NFATC3: variants seen among roughly 807,000 people sequenced by gnomAD.
The protein encoded by NFATC3 is nuclear factor of activated T-cells, cytoplasmic 3.
Under a neutral mutation model 98.6 loss-of-function variants are expected in NFATC3, and 46 were observed. The ratio of observed to expected loss-of-function variants is 0.47; its 90% CI spans 0.37 to 0.60. The LOEUF is 0.60. NFATC3 is among the 20% of genes least tolerant of loss of function. The pLI is 0.00. For missense variants in NFATC3, 1,256 were observed against 1,295.5 expected, an observed-to-expected ratio of 0.97 and a Z score of 0.47; for synonymous variants, 512 against 472.2, an observed-to-expected ratio of 1.08 and a Z score of -1.09.
intron 9 of NFATC3, among the ~76,000 whole-genome samples, chr16:68,222,343 A>G (rs2041904264): frequency 6.6e-6 from 1 of 151,092 alleles, no homozygotes; most frequent in African/African-American, 2.4e-5. Context: ...AAAGAAAAAA[A>G]AGAGAGAAAA....
At chr16:68,145,810 A>G (rs1258600589) in intron 3 of NFATC3, among the ~76,000 whole-genome samples, 1 of 152,182 alleles carries the variant, frequency 6.6e-6, no homozygotes, top group Non-Finnish European at 1.5e-5. Context: ...ATAAAACTAT[A>G]TACACACATA....
chr16:68,111,998 T>G (rs2035969193), intron 1 of NFATC3, among the ~76,000 whole-genome samples: 1 of 152,198 alleles, frequency 6.6e-6, no homozygotes, highest in Admixed American at 6.5e-5. Context: ...CACTGTTAGT[T>G]TGATGGGCTT....
At chr16:68,173,575 T>A (rs987873818) in intron 5 of NFATC3, among the ~76,000 whole-genome samples, 2 of 151,906 alleles carry the variant, frequency 1.3e-5, no homozygotes, top group Admixed American at 6.6e-5. Context: ...TCAAAAAAAA[T>A]AAATAAATAA....
At chr16:68,112,556 G>A (rs370532891) in intron 1 of NFATC3, among the ~76,000 whole-genome samples, 68 of 151,564 alleles carry the variant, frequency 4.5e-4, no homozygotes, top group African/African-American at 1.5e-3. Context: ...GATTATAGGC[G>A]TGAGCCACTG....
At chr16:68,203,105 T>C (rs1362111357) in intron 9 of NFATC3, among the ~76,000 whole-genome samples, 1 of 152,142 alleles carries the variant, frequency 6.6e-6, no homozygotes, top group Non-Finnish European at 1.5e-5. Flanking sequence ...TCATGGCTTA[T>C]GCGAGATGGA....
chr16:68,212,029 G>T (rs548270999), intron 9 of NFATC3, among the ~76,000 whole-genome samples: 371 of 152,288 alleles, frequency 2.4e-3, no homozygotes, highest in African/African-American at 8.3e-3. Flanking sequence ...TTCCTGGGAT[G>T]CTTTCTTATG....
Position 68,191,446 on chromosome 16 carries a change from C to A in NFATC3, c.2777C>A (p.Ala926Asp), listed in dbSNP as rs375382397. The A allele has an allele frequency of 1.9e-6, 3 of 1,614,008 alleles. No individual in the cohort carries two copies. Among genetic ancestry groups the A allele is most frequent in the Non-Finnish European group, 2.5e-6 (3 of 1,180,042 alleles). ...TCACATTCAGGGTCTGCTACAACAG[C>A]TTCCCCAGCAGCTTCTCATCCCTTG... is the stretch of plus-strand genomic sequence containing the variant. ...GPSHSGSATTASPAASHPLAS... is the reference protein window; with the variant it reads ...GPSHSGSATTDSPAASHPLAS... The change falls in exon 9 of 10, where the codon GCT (alanine) becomes GAT (aspartate). Residue 926 changes from alanine (A) to aspartate (D), a missense_variant. Ala to Asp is a moderately radical substitution (Grantham distance 126). Coordinates refer to ENST00000346183, the MANE Select transcript of NFATC3 (RefSeq NM_173165.3).
At chr16:68,132,505 T>G (rs2037167836) in intron 3 of NFATC3, among the ~76,000 whole-genome samples, 2 of 152,170 alleles carry the variant, frequency 1.3e-5, no homozygotes, top group African/African-American at 4.8e-5. Flanking sequence ...TCAAAAAATT[T>G]AAAAATAGAA....
At chr16:68,100,637 C>T (rs1040192094) in intron 1 of NFATC3, among the ~76,000 whole-genome samples, 1 of 151,436 alleles carries the variant, frequency 6.6e-6, no homozygotes, top group Non-Finnish European at 1.5e-5. Context: ...TTCCCACCAG[C>T]AGGTGTATGA....
At chr16:68,186,925 G>A (rs769455765) in intron 8 of NFATC3, among the ~76,000 whole-genome samples, 3 of 152,232 alleles carry the variant, frequency 2.0e-5, no homozygotes, top group Non-Finnish European at 4.4e-5. Flanking sequence ...TCCTTGAGGT[G>A]TCACTTTGCC....
At chr16:68,201,152 G>A (rs1384593982) in intron 9 of NFATC3, among the ~76,000 whole-genome samples, 3 of 151,992 alleles carry the variant, frequency 2.0e-5, no homozygotes, top group African/African-American at 4.8e-5. Flanking sequence ...GGCTGGTATT[G>A]AACTCCTGAC....
intron 1 of NFATC3, among the ~76,000 whole-genome samples, chr16:68,100,196 G>T (rs1440431535): frequency 1.3e-5 from 2 of 152,084 alleles, no homozygotes; most frequent in Non-Finnish European, 2.9e-5. Context: ...ATTTGTATGT[G>T]GATATGTGTT....
chr16:68,115,504 G>A lies in NFATC3; in HGVS notation c.104-6483G>A, dbSNP rs527281672. Among the ~76,000 whole-genome samples the A allele has an allele frequency of 6.7e-5, 10 of 149,674 alleles. 2 individuals carry two copies. The South Asian group carries it at 1.9e-3, about 29-fold the overall frequency. On this transcript the variant is annotated intron_variant, in intron 1 of 9. Transcript: ENST00000346183. Reference sequence around the variant, plus strand: ...TAGTAGCGCAATCTCGGCTTACTGCGACCTCCGCCTCCCGGGTTCAACTGA... The same window carrying A: ...TAGTAGCGCAATCTCGGCTTACTGCAACCTCCGCCTCCCGGGTTCAACTGA...
chr16:68,126,497 C>T lies in NFATC3; in HGVS notation c.1288C>T (p.Gln430Ter). ...CTGGCCTTTACCAGCTCATTTTGGACAATGTGAACTGAAAATAGAAGTGCA... is the reference window on the plus strand; with the variant it reads ...CTGGCCTTTACCAGCTCATTTTGGATAATGTGAACTGAAAATAGAAGTGCA... The part of the protein sequence containing the change: ...LDWPLPAHFG[Q>*]CELKIEVQPK... Residue 430 changes from glutamine to a stop codon, truncating the protein, a stop_gained, in exon 3 of 10, where the codon CAA becomes TAA. Transcript: ENST00000346183. LOFTEE classifies it high-confidence loss of function. The T allele has an allele frequency of 1.2e-6, 2 of 1,614,038 alleles. No homozygotes were observed. Among genetic ancestry groups the T allele is most frequent in the Non-Finnish European group, 1.7e-6 (2 of 1,179,944 alleles).
At chr16:68,136,387 A>G (rs114052672) in intron 3 of NFATC3, among the ~76,000 whole-genome samples, 2,081 of 151,874 alleles carry the variant, frequency 0.014, 51 homozygotes, top group African/African-American at 0.045. Context: ...CTCCACCTCA[A>G]CTTCTCCCGT....
chr16:68,199,121 T>C (rs2040795971), intron 9 of NFATC3, among the ~76,000 whole-genome samples: 1 of 151,624 alleles, frequency 6.6e-6, no homozygotes, highest in African/African-American at 2.4e-5. Context: ...GAGGCTGAAG[T>C]GGGAGGATTG....
intron 1 of NFATC3, among the ~76,000 whole-genome samples, chr16:68,114,103 A>T (rs2151486998): frequency 6.6e-6 from 1 of 152,268 alleles, no homozygotes. Flanking sequence ...GGATTTCCTG[A>T]TCCATGGGAT....
At chr16:68,128,763 A>C (rs781387289) in intron 3 of NFATC3, among the ~76,000 whole-genome samples, 9 of 151,914 alleles carry the variant, frequency 5.9e-5, no homozygotes, top group Non-Finnish European at 1.3e-4. Flanking sequence ...GTGGTGTATG[A>C]TGATTGTGGC....
chr16:68,154,819 A>G lies in NFATC3; in HGVS notation c.1402-3050A>G, dbSNP rs192745109. ...CAACAGTTCAGCCAGGGCCCTAATCACCTTATGCTGTGTAAACCATCATAG... is the reference window on the plus strand; with the variant it reads ...CAACAGTTCAGCCAGGGCCCTAATCGCCTTATGCTGTGTAAACCATCATAG... On this transcript the variant is annotated intron_variant, in intron 3 of 9. Transcript: ENST00000346183. Among the ~76,000 whole-genome samples the G allele has an allele frequency of 5.3e-5, 8 of 152,338 alleles. No homozygotes were observed. In the East Asian group the frequency reaches 1.3e-3, roughly 26 times the overall value.
Sources: allele counts gnomAD v4.1 joint callset (sites outside exome capture counted in the v4.1 genomes callset), GRCh38; gene constraint gnomAD v4.1.1; transcripts MANE v1.5; gene names NCBI Gene and HGNC (gene_info 2026-07-23, HGNC 2026-07-21).